The following RARB variants were observed in gnomAD, a reference collection of about 807,000 sequenced individuals.
The protein encoded by RARB is HBV-activated protein.
Under a neutral mutation model 51.9 loss-of-function variants are expected in RARB, and 17 were observed. The ratio of observed to expected loss-of-function variants is 0.33; its 90% CI spans 0.22 to 0.49. The LOEUF is 0.49. Among genes scored for constraint, RARB ranks in the 20% least tolerant of loss-of-function variants. The probability of loss-of-function intolerance (pLI) is 0.99; values close to 1 mark genes in which losing one functional copy is unlikely to be tolerated. For missense variants in RARB, 369 were observed against 550.8 expected (o/e 0.67, Z 3.30); for synonymous variants, 215 against 195.4 (o/e 1.10, Z -0.84).
chr3:25,518,232 G>C (rs1040756757), intron 3 of RARB, among the ~76,000 whole-genome samples: 1 of 152,104 alleles, frequency 6.6e-6, no homozygotes, highest in Admixed American at 6.5e-5. Context: ...CGTATACTAA[G>C]TTGTGTATGT....
chr3:25,469,590 G>A (rs1559419298), intron 2 of RARB, among the ~76,000 whole-genome samples: 1 of 152,150 alleles, frequency 6.6e-6, no homozygotes, highest in Non-Finnish European at 1.5e-5. Flanking sequence ...CCCAAAAAGC[G>A]TCCCTCTGTT....
At chr3:25,518,927 A>G (rs1233491078) in intron 3 of RARB, among the ~76,000 whole-genome samples, 1 of 152,124 alleles carries the variant, frequency 6.6e-6, no homozygotes. Flanking sequence ...TGGGGTTGGA[A>G]CATTTTGTAT....
chr3:25,131,879 T>C (rs536114635), intron 3 of RARB, among the ~76,000 whole-genome samples: 2 of 151,818 alleles, frequency 1.3e-5, no homozygotes, highest in South Asian at 4.2e-4. Context: ...AAAATCTATG[T>C]GGGATAGATA....
intron 4 of RARB, among the ~76,000 whole-genome samples, chr3:25,147,192 G>T (rs577195863): frequency 6.6e-6 from 1 of 152,106 alleles, no homozygotes; most frequent in African/African-American, 2.4e-5. Flanking sequence ...TGCAACCCAG[G>T]TATCTATATT....
chr3:24,980,669 C>A (rs777038215), intron 2 of RARB, among the ~76,000 whole-genome samples: 13 of 148,314 alleles, frequency 8.8e-5, no homozygotes, highest in Non-Finnish European at 1.7e-4. Flanking sequence ...TTCGTCTAAC[C>A]TTTTTTCATG....
intron 5 of RARB, among the ~76,000 whole-genome samples, chr3:25,403,252 TAA>T (rs958581660): frequency 6.6e-6 from 1 of 151,488 alleles, no homozygotes; most frequent in Non-Finnish European, 1.5e-5. Flanking sequence ...CATTTTAAAA[TAA>T]AGAGTGTAAT....
chr3:25,146,212 A>G (rs1700185970), intron 4 of RARB, among the ~76,000 whole-genome samples: 2 of 152,192 alleles, frequency 1.3e-5, no homozygotes, highest in South Asian at 4.1e-4. Context: ...TGTCTTATGT[A>G]TAATCAGTCA....
At chr3:25,501,060 T>G in intron 2 of RARB, 122 bp from the exon 3 acceptor site, 1 of 1,214,468 alleles carries the variant, frequency 8.2e-7, no homozygotes, top group African/African-American at 1.6e-5. Context: ...GTAAGTTAAC[T>G]TTTCTGCTGC....
At chr3:25,379,636 C>A (rs772762941) in intron 5 of RARB, among the ~76,000 whole-genome samples, 1 of 152,124 alleles carries the variant, frequency 6.6e-6, no homozygotes, top group Non-Finnish European at 1.5e-5. Context: ...AGCTATTTGC[C>A]TTGGAGAGGT....
At chr3:25,049,856 G>A (rs185120016) in intron 2 of RARB, among the ~76,000 whole-genome samples, 2 of 152,172 alleles carry the variant, frequency 1.3e-5, no homozygotes, top group Admixed American at 6.5e-5. Flanking sequence ...TGTTTGATAC[G>A]TATTTTTGGC....
intron 5 of RARB, among the ~76,000 whole-genome samples, chr3:25,198,004 G>A (rs1017356940): frequency 4.6e-5 from 7 of 151,838 alleles, no homozygotes; most frequent in Admixed American, 1.3e-4. Flanking sequence ...AACAAAACTG[G>A]AAGAATCACA....
intron 5 of RARB, among the ~76,000 whole-genome samples, chr3:25,274,297 A>T (rs1299374352): frequency 6.6e-6 from 1 of 152,156 alleles, no homozygotes; most frequent in Non-Finnish European, 1.5e-5. Flanking sequence ...AACACCTCTC[A>T]ATTTGGATGG....
At chr3:24,831,455 C>G (rs920623616) in intron 1 of RARB, among the ~76,000 whole-genome samples, 4 of 152,132 alleles carry the variant, frequency 2.6e-5, no homozygotes, top group African/African-American at 9.7e-5. Flanking sequence ...AATATAAAGT[C>G]ATGAATAGAA....
At chr3:25,299,969 C>T (rs1237966621) in intron 5 of RARB, among the ~76,000 whole-genome samples, 3 of 152,206 alleles carry the variant, frequency 2.0e-5, no homozygotes, top group Non-Finnish European at 4.4e-5. Flanking sequence ...TACAACTGTG[C>T]ATAGCATTAA....
chr3:25,297,444 C>G (rs1252173321), intron 5 of RARB, among the ~76,000 whole-genome samples: 1 of 43,090 alleles, frequency 2.3e-5, no homozygotes, highest in African/African-American at 1.1e-4. Flanking sequence ...TTACAGCTTA[C>G]TTTTAATTTT....
At chr3:25,132,654 G>C (rs1006737829) in intron 4 of RARB, among the ~76,000 whole-genome samples, 1 of 151,894 alleles carries the variant, frequency 6.6e-6, no homozygotes, top group African/African-American at 2.4e-5. Flanking sequence ...TTAAGCAGTA[G>C]AGGATTAATA....
intron 2 of RARB, among the ~76,000 whole-genome samples, chr3:24,865,257 G>A (rs917447524): frequency 6.6e-6 from 1 of 152,100 alleles, no homozygotes; most frequent in African/African-American, 2.4e-5. Context: ...AAATTTACGT[G>A]CACTCAAGTC....
intron 3 of RARB, among the ~76,000 whole-genome samples, chr3:25,126,615 A>G (rs917457175): frequency 6.6e-6 from 1 of 152,120 alleles, no homozygotes; most frequent in African/African-American, 2.4e-5. Flanking sequence ...AGTGGAGACA[A>G]AAATTATCTT....
At chr3:25,056,894 C>T (rs919130141) in intron 2 of RARB, among the ~76,000 whole-genome samples, 3 of 152,024 alleles carry the variant, frequency 2.0e-5, no homozygotes, top group South Asian at 2.1e-4. Flanking sequence ...ACGAGTGACT[C>T]GCTAAAGTCT....
Sources: gnomAD v4.1 joint callset for allele counts (sites outside exome capture counted in the v4.1 genomes callset) on GRCh38, gnomAD v4.1.1 for gene constraint, MANE v1.5 for transcripts, NCBI Gene and HGNC (gene_info 2026-07-23, HGNC 2026-07-21) for gene names.